The following CYP3A7 variants were observed in gnomAD, a reference collection of about 807,000 sequenced individuals.
The protein encoded by CYP3A7 is cytochrome P450 family 3 subfamily A member 7, also known as cytochrome P450 3A7.
In CYP3A7, 45 loss-of-function variants were observed where a neutral mutation model predicts 55.2. The observed-to-expected ratio is 0.82, with a 90% confidence interval of 0.64 to 1.05. CYP3A7 has a LOEUF of 1.05. CYP3A7 is among the 50% of genes least tolerant of loss of function. The pLI is 0.00. For synonymous variants in CYP3A7, 180 were observed against 207.4 expected (o/e 0.87, Z 1.13); for missense variants, 548 against 605.3 (o/e 0.91, Z 0.99).
intron 4 of CYP3A7, among the ~76,000 whole-genome samples, 194 bp from the exon 5 acceptor site, chr7:99,717,833 T>A (rs902181544): frequency 6.6e-6 from 1 of 152,208 alleles, no homozygotes; most frequent in Admixed American, 6.5e-5. Context: ...CCAGCCTGTA[T>A]ATCCCAGTCT....
chr7:99,717,269 A>G lies in CYP3A7; in HGVS notation c.433-4T>C, dbSNP rs1563022985. 1 of 1,613,960 alleles carries G rather than the reference A, an allele frequency of 6.2e-7. No individual in the cohort carries two copies. The highest frequency in any genetic ancestry group is 8.5e-7 in the Non-Finnish European group (1 of 1,179,850). ...ACTGGGCAATGATAGGGACCATCTAAGCACAAAACACAACACCACCCATAG... is the reference window on the plus strand; with the variant it reads ...ACTGGGCAATGATAGGGACCATCTAGGCACAAAACACAACACCACCCATAG... On this transcript the variant is annotated splice_polypyrimidine_tract_variant and splice_region_variant and intron_variant, in intron 5 of 12. Transcript: ENST00000336374.
At chr7:99,731,269 T>G in intron 1 of CYP3A7, 117 bp from the exon 2 acceptor site, 2 of 1,173,422 alleles carry the variant, frequency 1.7e-6, no homozygotes, top group Non-Finnish European at 1.2e-6. Flanking sequence ...ATTAAGGCAA[T>G]AAAAAATAAC....
At chr7:99,726,332 C>G (rs577493430) in intron 2 of CYP3A7, among the ~76,000 whole-genome samples, 1 of 152,308 alleles carries the variant, frequency 6.6e-6, no homozygotes, top group Admixed American at 6.5e-5. Context: ...CTTCTAAAGC[C>G]TACAAACTCT....
At chr7:99,720,175 A>T in intron 4 of CYP3A7, 138 bp downstream of exon 4, 1 of 1,034,032 alleles carries the variant, frequency 9.7e-7, no homozygotes, top group South Asian at 1.5e-5. Context: ...AGATGTTACC[A>T]TGGGGGATGG....
chr7:99,722,192 A>C, intron 3 of CYP3A7, 104 bp downstream of exon 3: 29 of 1,432,224 alleles, frequency 2.0e-5, no homozygotes, highest in Non-Finnish European at 2.6e-5. Flanking sequence ...TAGGCTGGCA[A>C]GAGCTTCATC....
intron 10 of CYP3A7, 35 bp from the exon 11 acceptor site, chr7:99,709,296 AT>A (rs780133169): frequency 3.1e-6 from 5 of 1,603,946 alleles, no homozygotes; most frequent in South Asian, 2.2e-5. Context: ...ATAAATTGAG[AT>A]TTTTGAATTA....
At chr7:99,714,456 C>T (rs541727730) in intron 8 of CYP3A7, 99 bp downstream of exon 8, 1 of 1,547,356 alleles carries the variant, frequency 6.5e-7, no homozygotes, top group African/African-American at 1.4e-5. Context: ...ATGTTAAAAT[C>T]TTTCTCTAAA....
chr7:99,722,923 C>A (rs1814259255), intron 2 of CYP3A7, among the ~76,000 whole-genome samples: 1 of 152,132 alleles, frequency 6.6e-6, no homozygotes, highest in Admixed American at 6.6e-5. Flanking sequence ...AAAGTGGACT[C>A]GCTTTCCAGT....
chr7:99,726,201 C>T (rs1043566385), intron 2 of CYP3A7, among the ~76,000 whole-genome samples: 2 of 152,138 alleles, frequency 1.3e-5, no homozygotes, highest in African/African-American at 4.8e-5. Flanking sequence ...CAACTGATCA[C>T]ATGCCCATTA....
At chr7:99,708,891 T>C (rs979554082) in intron 11 of CYP3A7, 144 bp downstream of exon 11, 6 of 967,050 alleles carry the variant, frequency 6.2e-6, no homozygotes, top group Non-Finnish European at 9.4e-6. Flanking sequence ...AGTGTGACAA[T>C]GATCAATTTC....
Position 99,709,788 on chromosome 7 carries a change from G to GTGTGTA in CYP3A7, c.1027-528_1027-527insTACACA, listed in dbSNP as rs547026731. On this transcript the variant is annotated intron_variant, in intron 10 of 12. Coordinates refer to ENST00000336374, the MANE Select transcript of CYP3A7 (RefSeq NM_000765.5). The stretch of plus-strand genomic sequence containing the variant: ...GTATTATATATATGTGTGTGTGTGT[G>GTGTGTA]TATATATATATATATGCATATATAC... Among the ~76,000 whole-genome samples the GTGTGTA allele has an allele frequency of 1.3e-3, 198 of 150,262 alleles. 1 individual carries two copies. The highest frequency in any genetic ancestry group is 2.1e-3 in the East Asian group (11 of 5,146).
Position 99,714,562 on chromosome 7 carries a change from G to A in CYP3A7, c.791C>T (p.Thr264Ile), listed in dbSNP as rs749672460. The change falls in exon 8 of 13, where the codon ACA (threonine) becomes ATA (isoleucine). Residue 264 changes from threonine (T) to isoleucine (I), a missense_variant. Transcript: ENST00000336374. ...KQIKEGRLKETQKHRVDFLQL... is the reference protein window; with the variant it reads ...KQIKEGRLKEIQKHRVDFLQL... ...ACTACCACCACGTTTTACCTTTTGTGTCTCTTTGAGGCGACCTTCTTTTAT... is the reference window on the plus strand; with the variant it reads ...ACTACCACCACGTTTTACCTTTTGTATCTCTTTGAGGCGACCTTCTTTTAT... 2.5e-6 allele frequency: 4 copies of A among 1,612,664 alleles called. No individual in the cohort carries two copies. In the Middle Eastern group the frequency reaches 5.1e-4, roughly 207 times the overall value.
At chr7:99,734,021 T>C (rs1814731643) in intron 1 of CYP3A7, among the ~76,000 whole-genome samples, 1 of 152,190 alleles carries the variant, frequency 6.6e-6, no homozygotes, top group African/African-American at 2.4e-5. Flanking sequence ...AATACTGAAC[T>C]AATAGCCCTC....
At chr7:99,718,790 A>T (rs1022070394) in intron 4 of CYP3A7, among the ~76,000 whole-genome samples, 3 of 152,222 alleles carry the variant, frequency 2.0e-5, no homozygotes, top group African/African-American at 7.2e-5. Context: ...TAGAAATACT[A>T]AGTCAGCTCG....
At chr7:99,710,419 A>T (rs571591776) in intron 10 of CYP3A7, among the ~76,000 whole-genome samples, 1 of 152,344 alleles carries the variant, frequency 6.6e-6, no homozygotes, top group Non-Finnish European at 1.5e-5. Context: ...AGCAGAGCTC[A>T]CTATCAAGAC....
intron 1 of CYP3A7, 112 bp from the exon 2 acceptor site, chr7:99,731,264 GGC>G: frequency 1.6e-6 from 2 of 1,226,062 alleles, no homozygotes; most frequent in Non-Finnish European, 2.3e-6. Flanking sequence ...GTAACATTAA[GGC>G]AATAAAAAAT....
At chr7:99,710,663 GA>G in intron 10 of CYP3A7, 68 bp downstream of exon 10, 1 of 1,611,628 alleles carries the variant, frequency 6.2e-7, no homozygotes, top group Non-Finnish European at 8.5e-7. Context: ...ATTCTCCTGG[GA>G]AGTGGTGAGG....
intron 11 of CYP3A7, among the ~76,000 whole-genome samples, chr7:99,708,689 A>G (rs1319787767): frequency 6.6e-6 from 1 of 152,132 alleles, no homozygotes; most frequent in Non-Finnish European, 1.5e-5. Context: ...TTGATTCCTG[A>G]AGATTTGAGT....
intron 1 of CYP3A7, among the ~76,000 whole-genome samples, chr7:99,734,788 A>G (rs1814766248): frequency 6.6e-6 from 1 of 151,836 alleles, no homozygotes; most frequent in South Asian, 2.1e-4. Flanking sequence ...TGCCCAGCTA[A>G]TTTTTGTAAT....
Sources: gnomAD v4.1 joint callset for allele counts (sites outside exome capture counted in the v4.1 genomes callset) on GRCh38, gnomAD v4.1.1 for gene constraint, MANE v1.5 for transcripts, NCBI Gene and HGNC (gene_info 2026-07-23, HGNC 2026-07-21) for gene names.